TSPAN18: variants seen among roughly 807,000 people sequenced by gnomAD.
TSPAN18 encodes the protein tetraspanin 18, also known as tetraspanin-18.
A neutral mutation model predicts 27.3 loss-of-function variants in TSPAN18; 14 were observed. The ratio of observed to expected loss-of-function variants is 0.51; its 90% CI spans 0.34 to 0.80. TSPAN18 has a LOEUF of 0.80. TSPAN18 is among the 30% of genes least tolerant of loss of function. TSPAN18 has a pLI of 0.01. For synonymous variants in TSPAN18, 143 were observed against 136.5 expected (o/e 1.05, Z -0.33); for missense variants, 268 against 323.9 (o/e 0.83, Z 1.32).
At chr11:44,910,743 GC>G (rs1425395595) in intron 5 of TSPAN18, among the ~76,000 whole-genome samples, 1 of 152,202 alleles carries the variant, frequency 6.6e-6, no homozygotes, top group East Asian at 1.9e-4. Flanking sequence ...TTCACTGGGT[GC>G]TGAAGATATG....
chr11:44,872,814 A>T lies in TSPAN18; in HGVS notation c.-11+12345A>T, dbSNP rs890405719. Reference sequence around the variant, plus strand: ...CTAGTAAGTTAATAGCACACAGTTAAATAATATTATAGTTAATATTAAGTA... The same window carrying T: ...CTAGTAAGTTAATAGCACACAGTTATATAATATTATAGTTAATATTAAGTA... On this transcript the variant is annotated intron_variant, in intron 3 of 9. Coordinates refer to ENST00000520358, the MANE Select transcript of TSPAN18 (RefSeq NM_130783.5). Among the ~76,000 whole-genome samples, 23 of 152,318 alleles carry T rather than the reference A, an allele frequency of 1.5e-4. No homozygotes were observed. The East Asian group carries it at 4.4e-3, about 29-fold the overall frequency.
At chr11:44,909,206 T>G (rs1859616399) in intron 4 of TSPAN18, among the ~76,000 whole-genome samples, 1 of 152,134 alleles carries the variant, frequency 6.6e-6, no homozygotes, top group African/African-American at 2.4e-5. Flanking sequence ...GCATGGGTGG[T>G]GCAAACACAG....
chr11:44,850,937 G>T (rs886820752), intron 2 of TSPAN18, among the ~76,000 whole-genome samples: 1 of 152,152 alleles, frequency 6.6e-6, no homozygotes, highest in African/African-American at 2.4e-5. Context: ...AAAGATGGTG[G>T]AATACCTCTG....
intron 3 of TSPAN18, among the ~76,000 whole-genome samples, chr11:44,887,850 C>G (rs993665593): frequency 6.6e-6 from 1 of 152,178 alleles, no homozygotes; most frequent in African/African-American, 2.4e-5. Context: ...CCTTTCCCTC[C>G]TAGTTCCCAG....
intron 1 of TSPAN18, among the ~76,000 whole-genome samples, chr11:44,734,782 C>T (rs555454479): frequency 6.6e-6 from 1 of 152,344 alleles, no homozygotes; most frequent in East Asian, 1.9e-4. Context: ...GAGGCTCCCC[C>T]ACCCCACCCT....
At chr11:44,899,482 C>A (rs1391215212) in intron 3 of TSPAN18, among the ~76,000 whole-genome samples, 5 of 152,364 alleles carry the variant, frequency 3.3e-5, no homozygotes, top group African/African-American at 1.2e-4. Context: ...ACTCTCCCTG[C>A]TTCAAAATCC....
intron 2 of TSPAN18, among the ~76,000 whole-genome samples, chr11:44,788,708 A>G (rs546084869): frequency 1.3e-5 from 2 of 152,118 alleles, no homozygotes; most frequent in East Asian, 1.9e-4. Flanking sequence ...CGGCCTCCCA[A>G]AGTGCTGGGA....
chr11:44,874,261 G>T (rs1196223046), intron 3 of TSPAN18, among the ~76,000 whole-genome samples: 1 of 152,186 alleles, frequency 6.6e-6, no homozygotes, highest in African/African-American at 2.4e-5. Flanking sequence ...CTGATTCAGA[G>T]ATGGCAGCCA....
intron 2 of TSPAN18, among the ~76,000 whole-genome samples, chr11:44,773,526 C>T (rs1855737606): frequency 2.0e-5 from 3 of 152,120 alleles, no homozygotes; most frequent in South Asian, 2.1e-4. Flanking sequence ...ATTTTATCAC[C>T]GACATTGTTT....
At chr11:44,803,067 C>T (rs1003926660) in intron 2 of TSPAN18, among the ~76,000 whole-genome samples, 1 of 152,176 alleles carries the variant, frequency 6.6e-6, no homozygotes, top group Non-Finnish European at 1.5e-5. Context: ...AAAAGTTATT[C>T]ACTGGTCTAT....
At position 44,895,696 on chromosome 11, in the gene TSPAN18, C is replaced by T. The variant is rs549743276; in HGVS notation, c.-10-10711C>T. Among the ~76,000 whole-genome samples the T allele has an allele frequency of 4.3e-3, 487 of 112,058 alleles. 4 individuals are homozygous for T. Among genetic ancestry groups the T allele is most frequent in the African/African-American group, 0.014 (454 of 31,858 alleles). 73.5% of individuals were successfully genotyped at this position (112,058 alleles called of 152,430 possible). A position where few individuals can be genotyped will look rare whatever the true frequency, so the allele number is the denominator to read the frequency against. Reference sequence around the variant, plus strand: ...TGGTGGGGAGGAGGCAGGCAACCGCCAGACATTCCCCAGAGTTCAGCATCT... The same window carrying T: ...TGGTGGGGAGGAGGCAGGCAACCGCTAGACATTCCCCAGAGTTCAGCATCT... On this transcript the variant is annotated intron_variant, in intron 3 of 9. Transcript: ENST00000520358.
At chr11:44,922,853 A>G (rs1860194732) in intron 8 of TSPAN18, among the ~76,000 whole-genome samples, 1 of 152,184 alleles carries the variant, frequency 6.6e-6, no homozygotes, top group Non-Finnish European at 1.5e-5. Flanking sequence ...TCACGCCTGT[A>G]ATCCCAACAC....
chr11:44,826,146 G>T (rs571622048), intron 2 of TSPAN18, among the ~76,000 whole-genome samples: 1 of 152,374 alleles, frequency 6.6e-6, no homozygotes, highest in East Asian at 1.9e-4. Flanking sequence ...AGAAGGGCCG[G>T]ACGTGGTGGC....
intron 2 of TSPAN18, among the ~76,000 whole-genome samples, chr11:44,801,644 C>G (rs1218656697): frequency 6.6e-6 from 1 of 152,204 alleles, no homozygotes; most frequent in East Asian, 1.9e-4. Context: ...AGGAAACTGC[C>G]TCATTTGAAT....
At chr11:44,766,293 G>A (rs1855565796) in intron 2 of TSPAN18, among the ~76,000 whole-genome samples, 1 of 152,206 alleles carries the variant, frequency 6.6e-6, no homozygotes, top group Non-Finnish European at 1.5e-5. Flanking sequence ...GAGGAGAAGT[G>A]AGGCCTGGGG....
chr11:44,817,242 A>G (rs72897314), intron 2 of TSPAN18, among the ~76,000 whole-genome samples: 27,818 of 152,190 alleles, frequency 0.18, 2,833 homozygotes, highest in South Asian at 0.39. Flanking sequence ...AAGTCACTCA[A>G]CCTCTTTCTC....
At chr11:44,864,304 A>AC (rs1045573249) in intron 3 of TSPAN18, among the ~76,000 whole-genome samples, 2 of 151,302 alleles carry the variant, frequency 1.3e-5, no homozygotes, top group Admixed American at 1.3e-4. Context: ...AAAAAAAAAA[A>AC]AACTTGGTGA....
At chr11:44,809,059 A>G (rs1232758406) in intron 2 of TSPAN18, among the ~76,000 whole-genome samples, 1 of 152,108 alleles carries the variant, frequency 6.6e-6, no homozygotes, top group East Asian at 1.9e-4. Context: ...TAATCTTCAC[A>G]CACTGTTCAC....
chr11:44,746,434 A>G (rs1006504990), intron 1 of TSPAN18, among the ~76,000 whole-genome samples: 3 of 152,172 alleles, frequency 2.0e-5, no homozygotes, highest in African/African-American at 4.8e-5. Flanking sequence ...ACCCACTTGT[A>G]AAGCAAGGAG....
Sources: gnomAD v4.1 joint callset for allele counts (sites outside exome capture counted in the v4.1 genomes callset) on GRCh38, gnomAD v4.1.1 for gene constraint, MANE v1.5 for transcripts, NCBI Gene and HGNC (gene_info 2026-07-23, HGNC 2026-07-21) for gene names.